CHCHD3: variants seen among roughly 807,000 people sequenced by gnomAD.
CHCHD3 encodes MICOS complex subunit MIC19.
CHCHD3 carries 20 observed loss-of-function variants against 38.2 expected under a neutral mutation model. The observed-to-expected ratio is 0.52, with a 90% CI of 0.37 to 0.76. CHCHD3 has a LOEUF of 0.76. Among genes scored for constraint, CHCHD3 ranks in the 30% least tolerant of loss-of-function variants. The probability of loss-of-function intolerance (pLI) is 0.00; values close to 1 mark genes in which losing one functional copy is unlikely to be tolerated. For missense variants in CHCHD3, 245 were observed against 279.2 expected (o/e 0.88, Z 0.87); for synonymous variants, 82 against 100.0 (o/e 0.82, Z 1.07).
chr7:133,028,005 A>G (rs1193470856), intron 2 of CHCHD3, among the ~76,000 whole-genome samples: 1 of 152,212 alleles, frequency 6.6e-6, no homozygotes, highest in Non-Finnish European at 1.5e-5. Flanking sequence ...AGACTTCACA[A>G]GGTAATGATT....
At chr7:132,923,337 A>G (rs1407758441) in intron 4 of CHCHD3, among the ~76,000 whole-genome samples, 1 of 152,162 alleles carries the variant, frequency 6.6e-6, no homozygotes, top group African/African-American at 2.4e-5. Context: ...ATGGCTGTCT[A>G]TTTATAGACA....
intron 4 of CHCHD3, among the ~76,000 whole-genome samples, chr7:132,956,552 C>T (rs1811173856): frequency 6.6e-6 from 1 of 152,214 alleles, no homozygotes. Flanking sequence ...TATTATAATT[C>T]CACATAAGTA....
chr7:132,960,540 T>C (rs1811291287), intron 4 of CHCHD3, among the ~76,000 whole-genome samples: 1 of 152,182 alleles, frequency 6.6e-6, no homozygotes, highest in African/African-American at 2.4e-5. Flanking sequence ...CTATCACCTG[T>C]GCATGACAGG....
Position 132,938,778 on chromosome 7 carries a change from G to A in CHCHD3, c.369+36391C>T, listed in dbSNP as rs147486280. Among the ~76,000 whole-genome samples, 441 of 152,228 alleles carry A rather than the reference G, an allele frequency of 2.9e-3. 2 individuals carry two copies. Among genetic ancestry groups the A allele is most frequent in the Non-Finnish European group, 4.7e-3 (317 of 68,010 alleles). ...CAGGAAAGGAGAAGGTTCCCAGGACGTTTAGATCTCTGAGCCCTGGGGAGA... is the reference window on the plus strand; with the variant it reads ...CAGGAAAGGAGAAGGTTCCCAGGACATTTAGATCTCTGAGCCCTGGGGAGA... On this transcript the variant is annotated intron_variant, in intron 4 of 7. Coordinates refer to ENST00000262570, the MANE Select transcript of CHCHD3 (RefSeq NM_017812.4).
At position 132,810,561 on chromosome 7, in the gene CHCHD3, T is replaced by C. The variant is rs186993683; in HGVS notation, c.525-13984A>G. Among the ~76,000 whole-genome samples, 316 of 152,334 alleles carry C rather than the reference T, an allele frequency of 2.1e-3. 1 individual carries two copies. The highest frequency in any genetic ancestry group is 7.2e-3 in the African/African-American group (299 of 41,582). Reference sequence around the variant, plus strand: ...AATGAACAAGACCAACTACGAAGTATAGAAAACAACAATCTACCACACAGA... The same window carrying C: ...AATGAACAAGACCAACTACGAAGTACAGAAAACAACAATCTACCACACAGA... On this transcript the variant is annotated intron_variant, in intron 6 of 7. Transcript: ENST00000262570.
intron 2 of CHCHD3, among the ~76,000 whole-genome samples, chr7:133,064,506 T>G (rs949213011): frequency 7.2e-5 from 11 of 152,226 alleles, no homozygotes; most frequent in Non-Finnish European, 1.5e-4. Context: ...TACAGTGTTA[T>G]GTCTAAATGA....
intron 6 of CHCHD3, among the ~76,000 whole-genome samples, chr7:132,817,718 G>A (rs956079275): frequency 6.6e-6 from 1 of 151,970 alleles, no homozygotes; most frequent in Non-Finnish European, 1.5e-5. Flanking sequence ...GCATCACACT[G>A]CTAGCTACTG....
intron 3 of CHCHD3, among the ~76,000 whole-genome samples, chr7:132,984,351 G>A (rs1288596186): frequency 6.6e-6 from 1 of 151,594 alleles, no homozygotes; most frequent in Non-Finnish European, 1.5e-5. Flanking sequence ...AGACGGAGTC[G>A]CGTTCACTCA....
intron 2 of CHCHD3, among the ~76,000 whole-genome samples, chr7:133,069,182 C>A (rs1296301042): frequency 1.3e-5 from 2 of 152,020 alleles, no homozygotes; most frequent in African/African-American, 4.8e-5. Flanking sequence ...ACTGTGAATC[C>A]TCAACTCTCC....
intron 2 of CHCHD3, among the ~76,000 whole-genome samples, chr7:133,032,186 T>C (rs1265398195): frequency 6.6e-6 from 1 of 152,172 alleles, no homozygotes; most frequent in Non-Finnish European, 1.5e-5. Flanking sequence ...GGCAGACAAA[T>C]AAACCTGATT....
intron 4 of CHCHD3, among the ~76,000 whole-genome samples, chr7:132,953,252 T>G (rs901919927): frequency 5.9e-5 from 9 of 152,166 alleles, no homozygotes; most frequent in Non-Finnish European, 4.4e-5. Flanking sequence ...TGAGATGTAA[T>G]GAAGACTCTG....
intron 2 of CHCHD3, among the ~76,000 whole-genome samples, chr7:133,038,063 G>A (rs1489919503): frequency 6.6e-6 from 1 of 152,096 alleles, no homozygotes; most frequent in Non-Finnish European, 1.5e-5. Context: ...TATCAGTTTA[G>A]CTAACAGAAG....
intron 3 of CHCHD3, among the ~76,000 whole-genome samples, chr7:132,996,356 G>A (rs554686525): frequency 9.9e-5 from 15 of 152,280 alleles, no homozygotes; most frequent in Admixed American, 7.8e-4. Context: ...GACCCAGAAC[G>A]TGTTTCCACT....
intron 5 of CHCHD3, among the ~76,000 whole-genome samples, chr7:132,856,782 T>C (rs146852343): frequency 1.7e-3 from 256 of 152,350 alleles, no homozygotes; most frequent in South Asian, 3.7e-3. Flanking sequence ...CTTTCTCTCA[T>C]CATTTACTCA....
In CHCHD3 at chr7:133,082,024, G is replaced by C; in HGVS notation, c.-87C>G. ...CACCCACACGCGCGTGGAAGGGCCT[G>C]GATTCTTTTCCCGCACAGCGGGAGC... On this transcript the variant is annotated 5_prime_UTR_variant, in exon 1 of 8. Transcript: ENST00000262570. 9.7e-6 allele frequency: 12 copies of C among 1,237,600 alleles called. No homozygotes were observed. The highest frequency in any genetic ancestry group is 1.3e-5 in the Non-Finnish European group (12 of 908,238). The allele number at this position is 1,237,600 out of a possible 1,614,324, so 76.7% of individuals were successfully genotyped here. A position where few individuals can be genotyped will look rare whatever the true frequency, so the allele number is the denominator to read the frequency against.
intron 6 of CHCHD3, among the ~76,000 whole-genome samples, chr7:132,832,913 G>A (rs1244987746): frequency 1.3e-5 from 2 of 152,154 alleles, no homozygotes; most frequent in African/African-American, 4.8e-5. Context: ...GCTAGAGTAT[G>A]AGCTCCATAA....
At chr7:132,931,153 C>G (rs1408116308) in intron 4 of CHCHD3, among the ~76,000 whole-genome samples, 1 of 152,170 alleles carries the variant, frequency 6.6e-6, no homozygotes, top group East Asian at 1.9e-4. Flanking sequence ...GATCTACTCA[C>G]GTATGTTGCA....
intron 3 of CHCHD3, among the ~76,000 whole-genome samples, chr7:132,981,017 G>T (rs2117344107): frequency 6.6e-6 from 1 of 152,122 alleles, no homozygotes; most frequent in South Asian, 2.1e-4. Flanking sequence ...ACATGGTCTT[G>T]CTCTCTTGCC....
intron 3 of CHCHD3, among the ~76,000 whole-genome samples, chr7:133,010,904 C>T (rs1413194910): frequency 2.6e-5 from 4 of 151,746 alleles, no homozygotes; most frequent in Non-Finnish European, 5.9e-5. Context: ...AGGAGACAGA[C>T]AAGAAACAGA....
Sources: allele counts gnomAD v4.1 joint callset (sites outside exome capture counted in the v4.1 genomes callset), GRCh38; gene constraint gnomAD v4.1.1; transcripts MANE v1.5; gene names NCBI Gene and HGNC (gene_info 2026-07-23, HGNC 2026-07-21).